ANGEL2: variants seen among roughly 807,000 people sequenced by gnomAD.
The protein encoded by ANGEL2 is angel homolog 2.
ANGEL2 carries 41 observed loss-of-function variants against 66.0 expected under a neutral mutation model. The ratio of observed to expected loss-of-function variants is 0.62; its 90% CI spans 0.48 to 0.81. ANGEL2 has a LOEUF of 0.81. ANGEL2 is among the 30% of genes least tolerant of loss of function. The pLI is 0.00. For synonymous variants in ANGEL2, 208 were observed against 226.5 expected (o/e 0.92, Z 0.73); for missense variants, 561 against 641.6 (o/e 0.87, Z 1.36).
intron 6 of ANGEL2, 154 bp downstream of exon 6, chr1:213,000,632 A>T (rs2076151617): frequency 4.6e-6 from 4 of 864,144 alleles, no homozygotes; most frequent in Non-Finnish European, 6.6e-6. Flanking sequence ...TAAAAAGGTA[A>T]ATTTAGAGGT....
intron 7 of ANGEL2, 21 bp from the exon 8 acceptor site, chr1:212,997,339 G>A: frequency 6.3e-7 from 1 of 1,577,546 alleles, no homozygotes; most frequent in Non-Finnish European, 8.7e-7. Flanking sequence ...AAGAAGAAGT[G>A]TTTAGAATCC....
rs2076548502 is a variant in ANGEL2, at chr1:213,013,092, C to T, written c.385+1G>A. ...TACACCAAGATAAATGTCACCTTTACCTTGGTGTTTTCTTCGTTTTGATGA... is the reference window on the plus strand; with the variant it reads ...TACACCAAGATAAATGTCACCTTTATCTTGGTGTTTTCTTCGTTTTGATGA... On this transcript the variant is annotated splice_donor_variant, in intron 2 of 8. Coordinates refer to ENST00000366962, the MANE Select transcript of ANGEL2 (RefSeq NM_144567.5). LOFTEE classifies it high-confidence loss of function. 6.2e-7 allele frequency: 1 copy of T among 1,611,226 alleles called. No individual in the cohort carries two copies. Among genetic ancestry groups the T allele is most frequent in the Non-Finnish European group, 8.5e-7 (1 of 1,178,376 alleles).
chr1:212,999,394 TATTA>T (rs1272804448), intron 7 of ANGEL2, among the ~76,000 whole-genome samples: 1 of 152,240 alleles, frequency 6.6e-6, no homozygotes, highest in Non-Finnish European at 1.5e-5. Flanking sequence ...TTAGCCTCCT[TATTA>T]ATCTTATTCA....
intron 1 of ANGEL2, 72 bp downstream of exon 1, chr1:213,015,541 T>TC: frequency 2.0e-6 from 3 of 1,472,068 alleles, no homozygotes; most frequent in South Asian, 1.2e-5. Context: ...CCCGGGTTAG[T>TC]CCCGGACGCC....
chr1:212,996,104 G>A (rs1359538893), intron 8 of ANGEL2, among the ~76,000 whole-genome samples: 3 of 152,082 alleles, frequency 2.0e-5, no homozygotes, highest in South Asian at 2.1e-4. Flanking sequence ...TCAGGAGATC[G>A]AGACCATCCT....
rs1202238033 is a variant in ANGEL2, at chr1:213,005,439, T to C, written c.728A>G (p.Tyr243Cys). Residue 243 changes from tyrosine (Y) to cysteine (C), a missense_variant, in exon 5 of 9, where the codon TAT becomes TGT. By Grantham distance (194) the Tyr-to-Cys change is radical (BLOSUM62 -2). Transcript: ENST00000366962. Reference sequence around the variant, plus strand: ...AGGTTTCCTTCCTGTCCGCATCTTATATTCACAGTGATAACCTACAAGAAA... The same window carrying C: ...AGGTTTCCTTCCTGTCCGCATCTTACATTCACAGTGATAACCTACAAGAAA... ...SLESLGYHCE[Y>C]KMRTGRKPDG... 2 of 1,600,984 alleles carry C rather than the reference T, an allele frequency of 1.2e-6. No individual in the cohort carries two copies. Among genetic ancestry groups the C allele is most frequent in the Non-Finnish European group, 8.5e-7 (1 of 1,173,818 alleles).
chr1:212,998,214 G>C (rs561788707), intron 7 of ANGEL2, among the ~76,000 whole-genome samples: 3 of 148,592 alleles, frequency 2.0e-5, no homozygotes, highest in Non-Finnish European at 4.4e-5. Context: ...AACACAGTGA[G>C]ACCTCATCTC....
chr1:212,997,789 T>A (rs945096550), intron 7 of ANGEL2, among the ~76,000 whole-genome samples: 2 of 152,226 alleles, frequency 1.3e-5, no homozygotes, highest in African/African-American at 2.4e-5. Context: ...TTTATTATAT[T>A]TGCCCCATGC....
intron 4 of ANGEL2, 179 bp downstream of exon 4, chr1:213,006,950 C>T (rs756519196): frequency 1.8e-5 from 8 of 453,152 alleles, no homozygotes; most frequent in South Asian, 1.7e-4. Context: ...AATAATTGGC[C>T]GGGCATGGTG....
chr1:213,013,629 G>C (rs566126518), intron 1 of ANGEL2, among the ~76,000 whole-genome samples: 1 of 152,230 alleles, frequency 6.6e-6, no homozygotes, highest in Admixed American at 6.5e-5. Flanking sequence ...ATGGTATTCT[G>C]AATACTTAAC....
At position 212,993,878 on chromosome 1, in the gene ANGEL2, T is replaced by C. The variant is rs2075924417; in HGVS notation, c.*1163A>G. ...TTCTGAGGCTTAACAAAAATAATTT[T>C]ATAGCTGCCACTTTGTTCCAAAGAC... On this transcript the variant is annotated 3_prime_UTR_variant, in exon 9 of 9. Coordinates refer to ENST00000366962, the MANE Select transcript of ANGEL2 (RefSeq NM_144567.5). 6.6e-6 allele frequency: 1 copy of C among 152,260 alleles called. No homozygotes were observed. The highest frequency in any genetic ancestry group is 2.4e-5 in the African/African-American group (1 of 41,462). 9.4% of individuals were successfully genotyped at this position (152,260 alleles called of 1,614,324 possible).
intron 3 of ANGEL2, 109 bp from the exon 4 acceptor site, chr1:213,007,307 A>AT: frequency 1.2e-6 from 1 of 802,420 alleles, no homozygotes; most frequent in African/African-American, 1.8e-5. Flanking sequence ...TCCACACCTG[A>AT]TAAGAATTGA....
chr1:213,014,033 G>C (rs2076575432), intron 1 of ANGEL2, among the ~76,000 whole-genome samples: 1 of 152,032 alleles, frequency 6.6e-6, no homozygotes, highest in Non-Finnish European at 1.5e-5. Context: ...ATTCTCGTTG[G>C]GGGAAATGAA....
intron 1 of ANGEL2, chr1:213,015,179 G>C (rs2076608876): frequency 1.3e-5 from 13 of 1,019,506 alleles, no homozygotes; most frequent in South Asian, 4.4e-5. Context: ...CCTCCTGGGC[G>C]TGTGCCACAC....
At position 212,992,898 on chromosome 1, in the gene ANGEL2, T is replaced by C. The variant is rs2075892072; in HGVS notation, c.*2143A>G. On this transcript the variant is annotated 3_prime_UTR_variant, in exon 9 of 9. Transcript: ENST00000366962. ...CCCCAATATTAAAAAGGGATAATTA[T>C]ACTATCATTATAATTTGATAATGTC... The C allele has an allele frequency of 6.6e-6, 1 of 152,242 alleles. No homozygotes were observed. 9.4% of individuals were successfully genotyped at this position (152,242 alleles called of 1,614,324 possible).
chr1:212,997,346 A>G, intron 7 of ANGEL2, 28 bp from the exon 8 acceptor site: 1 of 1,575,634 alleles, frequency 6.3e-7, no homozygotes, highest in South Asian at 1.1e-5. Context: ...AGTGTTTAGA[A>G]TCCGAGTTTT....
At position 212,996,650 on chromosome 1, in the gene ANGEL2, T is replaced by C. The variant is rs867770137; in HGVS notation, c.1483+505A>G. Among the ~76,000 whole-genome samples, 251 of 95,372 alleles carry C rather than the reference T, an allele frequency of 2.6e-3. 7 individuals are homozygous for C. The highest frequency in any genetic ancestry group is 7.5e-3 in the African/African-American group (237 of 31,442). 62.6% of individuals were successfully genotyped at this position (95,372 alleles called of 152,430 possible). The stretch of plus-strand genomic sequence containing the variant: ...AAAAAAAAAAAAAAAAATATATATA[T>C]ATATATATATATATATATATACTTT... On this transcript the variant is annotated intron_variant, in intron 8 of 8. Transcript: ENST00000366962.
At position 213,015,854 on chromosome 1, in the gene ANGEL2, C is replaced by T. The variant is rs943008738; in HGVS notation, c.-183G>A. Reference sequence around the variant, plus strand: ...CGGCCTACACTCCATCTTGCGCAGTCAGAGTCCCTGAATGCCTTAACCCGG... The same window carrying T: ...CGGCCTACACTCCATCTTGCGCAGTTAGAGTCCCTGAATGCCTTAACCCGG... On this transcript the variant is annotated 5_prime_UTR_variant, in exon 1 of 9. Transcript: ENST00000366962. 1 of 699,518 alleles carries T rather than the reference C, an allele frequency of 1.4e-6. No homozygotes were observed. The highest frequency in any genetic ancestry group is 2.4e-6 in the Non-Finnish European group (1 of 423,696). 43.3% of individuals were successfully genotyped at this position (699,518 alleles called of 1,614,324 possible). A position where few individuals can be genotyped will look rare whatever the true frequency, so the allele number is the denominator to read the frequency against.
chr1:212,998,279 G>A (rs950324420), intron 7 of ANGEL2, among the ~76,000 whole-genome samples: 2 of 151,606 alleles, frequency 1.3e-5, no homozygotes, highest in Admixed American at 1.3e-4. Flanking sequence ...GCACATGCCT[G>A]TGGTCTCAGC....
Sources: gnomAD v4.1 joint callset for allele counts (sites outside exome capture counted in the v4.1 genomes callset) on GRCh38, gnomAD v4.1.1 for gene constraint, MANE v1.5 for transcripts, NCBI Gene and HGNC (gene_info 2026-07-23, HGNC 2026-07-21) for gene names.